Variants in KCNB2 observed in about 807,000 individuals in gnomAD.
KCNB2 encodes the protein potassium voltage-gated channel subfamily B member 2, also known as delayed rectifier potassium channel protein.
KCNB2 carries 15 observed loss-of-function variants against 61.5 expected under a neutral mutation model. That is an observed-to-expected ratio of 0.24 (90% confidence interval 0.16 to 0.38). The LOEUF (loss-of-function observed/expected upper bound fraction) is 0.38, where lower values mean the gene tolerates loss of function less well. Among genes scored for constraint, KCNB2 ranks in the 10% least tolerant of loss-of-function variants. The probability of loss-of-function intolerance (pLI) is 1.00; values close to 1 mark genes in which losing one functional copy is unlikely to be tolerated. For missense variants in KCNB2, 828 were observed against 1,125.2 expected (o/e 0.74, Z 3.78); for synonymous variants, 457 against 446.0 (o/e 1.02, Z -0.31).
chr8:72,875,138 C>A (rs979740422), intron 2 of KCNB2: 13 of 152,420 alleles, frequency 8.5e-5, no homozygotes, highest in African/African-American at 2.9e-4. Flanking sequence ...CCAGCCTCCT[C>A]CTGGGCCTTT....
At chr8:72,733,468 G>T (rs1417877749) in intron 2 of KCNB2, among the ~76,000 whole-genome samples, 1 of 152,124 alleles carries the variant, frequency 6.6e-6, no homozygotes, top group Non-Finnish European at 1.5e-5. Context: ...AATCAGATCT[G>T]GGTTCAGAGT....
At chr8:72,580,485 G>A (rs1806873326) in intron 2 of KCNB2, among the ~76,000 whole-genome samples, 1 of 152,022 alleles carries the variant, frequency 6.6e-6, no homozygotes, top group Non-Finnish European at 1.5e-5. Context: ...TTCACTGAAG[G>A]CTTTGGTTTA....
At chr8:72,873,780 C>A (rs1805656957) in intron 2 of KCNB2, among the ~76,000 whole-genome samples, 1 of 152,234 alleles carries the variant, frequency 6.6e-6, no homozygotes, top group Non-Finnish European at 1.5e-5. Flanking sequence ...CCATTGAGAA[C>A]AAAGGGTAAT....
intron 2 of KCNB2, among the ~76,000 whole-genome samples, chr8:72,884,628 G>A (rs187010031): frequency 6.6e-6 from 1 of 152,108 alleles, no homozygotes; most frequent in Non-Finnish European, 1.5e-5. Context: ...ATTTGTGTGT[G>A]TTGGGAAATA....
At chr8:72,779,053 C>A (rs1808712252) in intron 2 of KCNB2, among the ~76,000 whole-genome samples, 1 of 152,048 alleles carries the variant, frequency 6.6e-6, no homozygotes, top group African/African-American at 2.4e-5. Context: ...TTCCCTGTGC[C>A]CCAGTCACAG....
At chr8:72,871,583 C>T (rs530466084) in intron 2 of KCNB2, among the ~76,000 whole-genome samples, 78 of 152,312 alleles carry the variant, frequency 5.1e-4, no homozygotes, top group African/African-American at 1.5e-3. Context: ...ATGCAATAGG[C>T]ACCCAGCAGG....
intron 2 of KCNB2, among the ~76,000 whole-genome samples, chr8:72,667,042 C>CAG (rs1446986789): frequency 1.3e-5 from 2 of 150,744 alleles, no homozygotes; most frequent in East Asian, 2.0e-4. Context: ...ATGGAGAGAG[C>CAG]AGAGAGAGAT....
At chr8:72,561,737 A>ATGTG (rs1806527005) in intron 1 of KCNB2, among the ~76,000 whole-genome samples, 2 of 28,762 alleles carry the variant, frequency 7.0e-5, no homozygotes, top group African/African-American at 2.4e-4. Context: ...ATCTATATCT[A>ATGTG]TATATATATG....
chr8:72,704,500 G>GGTGTGTGTGT lies in KCNB2; in HGVS notation c.579+136216_579+136225dup, dbSNP rs10524175. On this transcript the variant is annotated intron_variant, in intron 2 of 2. Coordinates refer to ENST00000523207, the MANE Select transcript of KCNB2 (RefSeq NM_004770.3). ...CTCGGAGATACTGTCAGAGAAAGCT[G>GGTGTGTGTGT]GTGTGTGTGTGTGTGTGTGTGTGTG... Among the ~76,000 whole-genome samples the GGTGTGTGTGT allele has an allele frequency of 4.2e-3, 620 of 147,636 alleles. 19 individuals carry two copies. The East Asian group carries it at 0.064, about 15-fold the overall frequency.
At chr8:72,839,187 T>C (rs1218635100) in intron 2 of KCNB2, among the ~76,000 whole-genome samples, 3 of 152,224 alleles carry the variant, frequency 2.0e-5, no homozygotes, top group African/African-American at 7.2e-5. Flanking sequence ...CACATAATAT[T>C]TTATGTTCTT....
At chr8:72,605,402 T>A (rs1805428526) in intron 2 of KCNB2, among the ~76,000 whole-genome samples, 1 of 152,184 alleles carries the variant, frequency 6.6e-6, no homozygotes, top group South Asian at 2.1e-4. Flanking sequence ...TTTGTGTCAT[T>A]ACTACCAGTC....
chr8:72,756,825 T>A (rs1808298087), intron 2 of KCNB2, among the ~76,000 whole-genome samples: 1 of 152,116 alleles, frequency 6.6e-6, no homozygotes, highest in South Asian at 2.1e-4. Flanking sequence ...TCAGGAGTCA[T>A]TGAATAGGGA....
intron 2 of KCNB2, among the ~76,000 whole-genome samples, chr8:72,931,476 A>G (rs1227053550): frequency 1.3e-5 from 2 of 151,960 alleles, no homozygotes; most frequent in East Asian, 1.9e-4. Context: ...TATTTTATTG[A>G]GCAGTGGTTT....
At chr8:72,864,507 G>A (rs567219093) in intron 2 of KCNB2, among the ~76,000 whole-genome samples, 13 of 152,268 alleles carry the variant, frequency 8.5e-5, no homozygotes, top group African/African-American at 2.6e-4. Context: ...TGGTAGAGGA[G>A]GTATAAATAA....
At chr8:72,821,846 G>A (rs1022726181) in intron 2 of KCNB2, among the ~76,000 whole-genome samples, 4 of 152,010 alleles carry the variant, frequency 2.6e-5, no homozygotes, top group South Asian at 2.1e-4. Flanking sequence ...AGGGAAGGAC[G>A]GAGACAGAGA....
intron 2 of KCNB2, among the ~76,000 whole-genome samples, chr8:72,681,176 G>T (rs893315539): frequency 6.6e-6 from 1 of 152,058 alleles, no homozygotes; most frequent in Non-Finnish European, 1.5e-5. Context: ...GGGGGACAAG[G>T]CTGTACAATG....
rs141982236 is a variant in KCNB2 at position 72,632,033 on chromosome 8, T to C, written c.579+63720T>C. ...AGGAGGATCACTTGAGGCCAGGAGTTTGAGACCAATCTGGGCAACATGGCA... is the reference window on the plus strand; with the variant it reads ...AGGAGGATCACTTGAGGCCAGGAGTCTGAGACCAATCTGGGCAACATGGCA... On this transcript the variant is annotated intron_variant, in intron 2 of 2. Transcript: ENST00000523207. 5.2e-3 allele frequency among the ~76,000 whole-genome samples: 789 copies of C among 152,158 alleles called. 7 individuals carry two copies. The highest frequency in any genetic ancestry group is 0.018 in the African/African-American group (758 of 41,508).
intron 2 of KCNB2, among the ~76,000 whole-genome samples, chr8:72,930,510 T>C (rs375757826): frequency 5.6e-4 from 86 of 152,266 alleles, no homozygotes; most frequent in African/African-American, 1.9e-3. Context: ...GAGATGGTAT[T>C]TCATTGTGGT....
At chr8:72,823,309 G>A (rs918977253) in intron 2 of KCNB2, among the ~76,000 whole-genome samples, 1 of 152,120 alleles carries the variant, frequency 6.6e-6, no homozygotes, top group African/African-American at 2.4e-5. Flanking sequence ...CACAGTGTCA[G>A]CTGCAGTGCT....
Sources: allele counts gnomAD v4.1 joint callset (sites outside exome capture counted in the v4.1 genomes callset), GRCh38; gene constraint gnomAD v4.1.1; transcripts MANE v1.5; gene names NCBI Gene and HGNC (gene_info 2026-07-23, HGNC 2026-07-21).